PODN: variants seen among roughly 807,000 people sequenced by gnomAD.
PODN encodes the protein podocan proteoglycan.
A neutral mutation model predicts 52.7 loss-of-function variants in PODN; 40 were observed. That is an observed-to-expected ratio of 0.76 (90% CI 0.59 to 0.99). The LOEUF (loss-of-function observed/expected upper bound fraction) is 0.99. Ranked by LOEUF, PODN falls within the 50% of genes least tolerant of loss-of-function variation. The probability of loss-of-function intolerance (pLI) is 0.00; values close to 1 mark genes in which losing one functional copy is unlikely to be tolerated. For missense variants in PODN, 720 were observed against 815.1 expected, an observed-to-expected ratio of 0.88 and a Z score of 1.42; for synonymous variants, 396 against 377.9, an observed-to-expected ratio of 1.05 and a Z score of -0.56.
At chr1:53,070,626 GAC>G (rs1644103302) in intron 2 of PODN, among the ~76,000 whole-genome samples, 1 of 152,248 alleles carries the variant, frequency 6.6e-6, no homozygotes, top group Admixed American at 6.5e-5. Context: ...TGAGAGGTGG[GAC>G]ACAGTGTCCA....
chr1:53,079,076 GC>G, intron 8 of PODN, 54 bp downstream of exon 8: 1 of 1,456,114 alleles, frequency 6.9e-7, no homozygotes, highest in South Asian at 1.4e-5. Context: ...TACTGGCATG[GC>G]TGCCCTGAGC....
chr1:53,078,078 A>T (rs1644223511), intron 7 of PODN, among the ~76,000 whole-genome samples: 1 of 152,258 alleles, frequency 6.6e-6, no homozygotes, highest in African/African-American at 2.4e-5. Context: ...TGCTGAAGGC[A>T]AATGCATTTT....
In PODN at chr1:53,084,907, A is replaced by C. The variant is rs1644341408; in HGVS notation, c.*422A>C. The C allele has an allele frequency of 6.6e-6, 1 of 152,400 alleles. No individual in the cohort carries two copies. Among genetic ancestry groups the C allele is most frequent in the South Asian group, 2.1e-4 (1 of 4,832 alleles). 9.4% of individuals were successfully genotyped at this position (152,400 alleles called of 1,614,324 possible). ...CCACACACACACACATGCACAAGTC[A>C]TGTGCGAACAGCCCTCCAAAGCCTA... On this transcript the variant is annotated 3_prime_UTR_variant, in exon 11 of 11. Transcript: ENST00000312553.
In PODN at chr1:53,078,569, G is replaced by A; in HGVS notation, c.1059G>A (p.Leu353=). ...TGCGGGAGCAGGGCATCCACCCACT[G>A]GCCTTCCAGGGCCTCAAGCGGTTGC... is the stretch of plus-strand genomic sequence containing the variant. The part of the protein sequence containing the change: ...NQLREQGIHP[L]AFQGLKRLHT... The change falls in exon 8 of 11, where the codon CTG becomes CTA. Residue 353 remains leucine, a synonymous_variant. Transcript: ENST00000312553. 1 of 1,613,072 alleles carries A rather than the reference G, an allele frequency of 6.2e-7. No individual in the cohort carries two copies. Among genetic ancestry groups the A allele is most frequent in the East Asian group, 2.2e-5 (1 of 44,888 alleles).
intron 9 of PODN, 43 bp from the exon 10 acceptor site, chr1:53,081,938 G>GGGGGAA: frequency 6.4e-7 from 1 of 1,554,542 alleles, no homozygotes; most frequent in Non-Finnish European, 8.7e-7. Flanking sequence ...AGGGTTCCTT[G>GGGGGAA]GGGGTTGGGC....
intron 5 of PODN, 121 bp downstream of exon 5, chr1:53,076,092 TGGA>T (rs1644190913): frequency 1.2e-6 from 1 of 833,144 alleles, no homozygotes; most frequent in Non-Finnish European, 1.9e-6. Flanking sequence ...AGGGCTGTGG[TGGA>T]GGGACACCCA....
intron 2 of PODN, among the ~76,000 whole-genome samples, chr1:53,070,533 A>G (rs1450228152): frequency 6.6e-6 from 1 of 152,236 alleles, no homozygotes; most frequent in Non-Finnish European, 1.5e-5. Context: ...AAACCAGAGC[A>G]AAGTAGACCT....
chr1:53,070,689 C>T (rs17107835), intron 2 of PODN, among the ~76,000 whole-genome samples: 17,819 of 152,254 alleles, frequency 0.12, 2,109 homozygotes, highest in African/African-American at 0.27. Context: ...CTTGTGCGGC[C>T]CAACAGCCCT....
intron 8 of PODN, among the ~76,000 whole-genome samples, chr1:53,079,582 A>T (rs1008680619): frequency 1.3e-5 from 2 of 152,164 alleles, no homozygotes; most frequent in South Asian, 2.1e-4. Context: ...GGATCTACTC[A>T]TGCTTTCTGA....
chr1:53,064,059 G>C (rs1377781648), intron 1 of PODN, among the ~76,000 whole-genome samples: 1 of 152,174 alleles, frequency 6.6e-6, no homozygotes, highest in Non-Finnish European at 1.5e-5. Flanking sequence ...CAAGGCTCTG[G>C]GCAGGAGTCA....
intron 10 of PODN, among the ~76,000 whole-genome samples, chr1:53,083,648 C>T (rs1644325139): frequency 6.6e-6 from 1 of 152,206 alleles, no homozygotes. Context: ...GATCCACCCA[C>T]AGCTGAGTTT....
At chr1:53,080,185 G>T (rs568345091) in intron 8 of PODN, among the ~76,000 whole-genome samples, 4 of 152,152 alleles carry the variant, frequency 2.6e-5, no homozygotes, top group Non-Finnish European at 5.9e-5. Flanking sequence ...TGGCTGTTGT[G>T]CTGGGGTCAC....
rs895786507 is a variant in PODN at position 53,076,046 on chromosome 1, G to A, written c.581+75G>A. ...TGAGGTGGAGGCTGCCATCCTGTGT[G>A]AGGCAGAGACAGGTCCCGAAGGAGG... On this transcript the variant is annotated intron_variant, in intron 5 of 10. Transcript: ENST00000312553. The A allele has an allele frequency of 2.3e-6, 3 of 1,277,156 alleles. No individual in the cohort carries two copies. The Admixed American group carries it at 5.9e-5, about 25-fold the overall frequency. 79.1% of individuals were successfully genotyped at this position (1,277,156 alleles called of 1,614,324 possible).
chr1:53,062,473 TCTC>T (rs1297429269), intron 1 of PODN, among the ~76,000 whole-genome samples, 165 bp downstream of exon 1: 3 of 151,400 alleles, frequency 2.0e-5, no homozygotes, highest in East Asian at 1.9e-4. Context: ...CGGCCGGAGA[TCTC>T]CTCCTCTGGA....
At position 53,085,164 on chromosome 1, in the gene PODN, G is replaced by C. The variant is rs1298704655; in HGVS notation, c.*679G>C. ...CCTGGCCCACCCTGCTCCTCCAGGT[G>C]CTGGGCAGTCACTCTGCTAAGAGTC... On this transcript the variant is annotated 3_prime_UTR_variant, in exon 11 of 11. Transcript: ENST00000312553. 1.3e-5 allele frequency: 2 copies of C among 152,030 alleles called. No individual in the cohort carries two copies. The highest frequency in any genetic ancestry group is 4.8e-5 in the African/African-American group (2 of 41,390). The allele number at this position is 152,030 out of a possible 1,614,324, so 9.4% of individuals were successfully genotyped here. A position where few individuals can be genotyped will look rare whatever the true frequency, so the allele number is the denominator to read the frequency against.
chr1:53,063,565 T>G (rs1572252925), intron 1 of PODN: 1 of 985,278 alleles, frequency 1.0e-6, no homozygotes, highest in Non-Finnish European at 1.2e-6. Context: ...CCGAGGTAGG[T>G]CACTCAGAAG....
At chr1:53,064,366 C>A (rs1644003558) in intron 1 of PODN, among the ~76,000 whole-genome samples, 1 of 152,242 alleles carries the variant, frequency 6.6e-6, no homozygotes, top group African/African-American at 2.4e-5. Context: ...TCAGCAGGAG[C>A]TTTCTAGGGA....
In PODN at chr1:53,082,093, C is replaced by G. The variant is rs768129402; in HGVS notation, c.1774C>G (p.Arg592Gly). The change falls in exon 10 of 11, where the codon CGT becomes GGT. Residue 592 changes from arginine (R) to glycine (G), a missense_variant. Coordinates refer to ENST00000312553, the MANE Select transcript of PODN (RefSeq NM_153703.5). ...AGAGTTTGGTGACATTTCCAAGGACCGTGGCCGCTTGGGGAAGGAAAAGGA... is the reference window on the plus strand; with the variant it reads ...AGAGTTTGGTGACATTTCCAAGGACGGTGGCCGCTTGGGGAAGGAAAAGGA... ...NLEFGDISKD[R>G]GRLGKEKEEE... The G allele has an allele frequency of 3.1e-6, 5 of 1,613,542 alleles. No individual in the cohort carries two copies. Among genetic ancestry groups the G allele is most frequent in the Non-Finnish European group, 3.4e-6 (4 of 1,179,890 alleles).
chr1:53,072,533 G>A (rs1158229057), intron 3 of PODN, among the ~76,000 whole-genome samples: 6 of 152,198 alleles, frequency 3.9e-5, no homozygotes, highest in Admixed American at 3.9e-4. Flanking sequence ...CATCCAACAT[G>A]TGAGATTCTG....
Sources: gnomAD v4.1 joint callset for allele counts (sites outside exome capture counted in the v4.1 genomes callset) on GRCh38, gnomAD v4.1.1 for gene constraint, MANE v1.5 for transcripts, NCBI Gene and HGNC (gene_info 2026-07-23, HGNC 2026-07-21) for gene names.